Variants in WRNIP1 observed in about 807,000 individuals in gnomAD.
WRNIP1 encodes WRN helicase interacting protein 1, also known as ATPase WRNIP1.
WRNIP1 carries 41 observed loss-of-function variants against 56.1 expected under a neutral mutation model. The ratio of observed to expected loss-of-function variants is 0.73; its 90% CI spans 0.57 to 0.95. WRNIP1 has a LOEUF of 0.95. Ranked by LOEUF, WRNIP1 falls within the 40% of genes least tolerant of loss-of-function variation. The pLI is 0.00. For synonymous variants in WRNIP1, 547 were observed against 398.1 expected (o/e 1.37, Z -4.45); for missense variants, 1,170 against 939.4 (o/e 1.25, Z -3.21).
intron 3 of WRNIP1, chr6:2,773,937 G>A: frequency 1.0e-6 from 1 of 985,264 alleles, no homozygotes; most frequent in Non-Finnish European, 1.2e-6. Context: ...GCGTAACTGG[G>A]TGTGGGGCTT....
Position 2,779,450 on chromosome 6 carries a change from A to G in WRNIP1, c.1444A>G (p.Lys482Glu). 2 of 1,614,208 alleles carry G rather than the reference A, an allele frequency of 1.2e-6. No individual in the cohort carries two copies. Among genetic ancestry groups the G allele is most frequent in the Non-Finnish European group, 1.7e-6 (2 of 1,180,038 alleles). Residue 482 changes from lysine (K) to glutamate (E), a missense_variant, in exon 4 of 7, where the codon AAG becomes GAG. Physicochemically the swap from Lys to Glu is moderately conservative, Grantham distance 56. Coordinates refer to ENST00000380773, the MANE Select transcript of WRNIP1 (RefSeq NM_020135.3). ...SRVLITENDVKEGLQRSHILY... is the reference protein window; with the variant it reads ...SRVLITENDVEEGLQRSHILY... ...AGTTCTGATCACAGAGAATGACGTG[A>G]AGGAGGGCCTACAGCGATCCCACAT...
chr6:2,784,497 T>C, intron 6 of WRNIP1, 94 bp downstream of exon 6: 1 of 1,296,604 alleles, frequency 7.7e-7, no homozygotes, highest in Non-Finnish European at 1.1e-6. Flanking sequence ...CCTTCACCAT[T>C]GGTGTATTGG....
intron 3 of WRNIP1, among the ~76,000 whole-genome samples, chr6:2,778,922 A>G (rs1000054432): frequency 2.0e-5 from 3 of 152,216 alleles, no homozygotes; most frequent in Non-Finnish European, 2.9e-5. Context: ...CATTTCTAAT[A>G]AAGTTTTCAC....
In WRNIP1 at chr6:2,777,594, T is replaced by C. The variant is rs536645170; in HGVS notation, c.1257-1669T>C. Among the ~76,000 whole-genome samples the C allele has an allele frequency of 1.2e-3, 180 of 152,346 alleles. 1 individual carries two copies. The highest frequency in any genetic ancestry group is 4.2e-3 in the African/African-American group (175 of 41,584). On this transcript the variant is annotated intron_variant, in intron 3 of 6. Transcript: ENST00000380773. Reference sequence around the variant, plus strand: ...ACACAGGTTGAGTGCAGTAAGGGGCTGAGAGTGCACCCTTCCCTCTCAGGC... The same window carrying C: ...ACACAGGTTGAGTGCAGTAAGGGGCCGAGAGTGCACCCTTCCCTCTCAGGC...
At chr6:2,773,074 A>G (rs769652169) in intron 3 of WRNIP1, 2 of 985,340 alleles carry the variant, frequency 2.0e-6, no homozygotes, top group African/African-American at 3.5e-5. Flanking sequence ...TTGGAAACTA[A>G]TCAAGCTGCC....
At chr6:2,766,551 C>T in intron 1 of WRNIP1, 107 bp downstream of exon 1, 2 of 1,413,908 alleles carry the variant, frequency 1.4e-6, no homozygotes, top group Non-Finnish European at 1.9e-6. Flanking sequence ...GCCTGCCTCT[C>T]CTGGATAAGG....
chr6:2,765,905 G>T lies in WRNIP1; in HGVS notation c.283G>T (p.Glu95Ter). Residue 95 changes from glutamate to a stop codon, truncating the protein, a stop_gained, in exon 1 of 7, where the codon GAG (glutamate) becomes TAG (stop). Transcript: ENST00000380773. LOFTEE classifies it high-confidence loss of function. Reference protein sequence around the residue: ...TPTAAESSEGEGEEGDDGGET... With the variant: ...TPTAAESSEG ...GACGGCAGCCGAGAGCAGCGAGGGC[G>T]AGGGTGAGGAGGGCGACGACGGCGG... The T allele has an allele frequency of 6.9e-7, 1 of 1,454,240 alleles. No individual in the cohort carries two copies. 90.1% of individuals were successfully genotyped at this position (1,454,240 alleles called of 1,614,324 possible). A position where few individuals can be genotyped will look rare whatever the true frequency, so the allele number is the denominator to read the frequency against.
chr6:2,765,659 T>C lies in WRNIP1; in HGVS notation c.37T>C (p.Ser13Pro), dbSNP rs146408874. ...CGGGCCGGAAGACGACCCCTTCCTT[T>C]CGCAGCTGCACCAGGTGCAGTGCCC... ...VSGPEDDPFL[S>P]QLHQVQCPVC... The change falls in exon 1 of 7, where the codon TCG becomes CCG. Residue 13 changes from serine to proline, a missense_variant. Ser to Pro is a moderately conservative substitution (Grantham distance 74, BLOSUM62 -1). Transcript: ENST00000380773. The C allele has an allele frequency of 3.9e-6, 6 of 1,546,650 alleles. No homozygotes were observed. Among genetic ancestry groups the C allele is most frequent in the Non-Finnish European group, 5.2e-6 (6 of 1,154,944 alleles).
At chr6:2,775,942 C>A (rs915328827) in intron 3 of WRNIP1, among the ~76,000 whole-genome samples, 3 of 152,024 alleles carry the variant, frequency 2.0e-5, no homozygotes, top group African/African-American at 7.2e-5. Flanking sequence ...TAGATTTTAC[C>A]TCTTTTTATT....
intron 1 of WRNIP1, among the ~76,000 whole-genome samples, chr6:2,768,092 C>T (rs956378774): frequency 6.6e-6 from 1 of 152,172 alleles, no homozygotes; most frequent in Non-Finnish European, 1.5e-5. Context: ...ACCTGGGTCT[C>T]CTTGGTTTTC....
At position 2,785,341 on chromosome 6, in the gene WRNIP1, G is replaced by A; in HGVS notation, c.*59G>A. 2 of 1,574,214 alleles carry A rather than the reference G, an allele frequency of 1.3e-6. No individual in the cohort carries two copies. The highest frequency in any genetic ancestry group is 2.2e-5 in the East Asian group (1 of 44,468). On this transcript the variant is annotated 3_prime_UTR_variant, in exon 7 of 7. Coordinates refer to ENST00000380773, the MANE Select transcript of WRNIP1 (RefSeq NM_020135.3). ...TTTTTAAGGGAGGGCCAGAAAGAAA[G>A]TTAGTGGATTGCAAAGTTGGTTGCC...
chr6:2,783,284 C>T (rs1765612598), intron 4 of WRNIP1, 122 bp from the exon 5 acceptor site: 3 of 1,142,148 alleles, frequency 2.6e-6, no homozygotes, highest in Non-Finnish European at 2.4e-6. Context: ...GCCCAAACCT[C>T]TCCTCGGCTT....
At chr6:2,766,828 A>G (rs916004489) in intron 1 of WRNIP1, among the ~76,000 whole-genome samples, 23 of 151,916 alleles carry the variant, frequency 1.5e-4, no homozygotes, top group African/African-American at 5.3e-4. Flanking sequence ...GTAAAGAAAC[A>G]TTTGTATATT....
rs759698310 is a variant in WRNIP1 at position 2,785,253 on chromosome 6, G to T, written c.1969G>T (p.Val657Leu). 1.1e-5 allele frequency: 17 copies of T among 1,614,062 alleles called. No individual in the cohort carries two copies. The highest frequency in any genetic ancestry group is 6.6e-5 in the South Asian group (6 of 91,080). ...GTACCTGCCTGAAGAGTTGAGGGGG[G>T]TAGATTTCTTCAAGCAGAGGAGGTG... ...QEYLPEELRG[V>L]DFFKQRRC Residue 657 changes from valine (V) to leucine (L), a missense_variant, in exon 7 of 7, where the codon GTA becomes TTA. Val to Leu is a conservative substitution (Grantham distance 32). Transcript: ENST00000380773.
At chr6:2,779,044 C>T (rs940192220) in intron 3 of WRNIP1, among the ~76,000 whole-genome samples, 5 of 152,164 alleles carry the variant, frequency 3.3e-5, no homozygotes, top group South Asian at 2.1e-4. Context: ...GAGATACCCT[C>T]GACACTCATA....
chr6:2,766,923 T>A (rs1765034632), intron 1 of WRNIP1, among the ~76,000 whole-genome samples: 1 of 152,240 alleles, frequency 6.6e-6, no homozygotes. Flanking sequence ...TAGTTGTTGG[T>A]TTAACAGACT....
In WRNIP1 at chr6:2,768,695, C is replaced by G. The variant is rs1765140687; in HGVS notation, c.827C>G (p.Thr276Ser). Reference protein sequence around the residue: ...LWGPPGCGKTTLAHIIASNSK... With the variant: ...LWGPPGCGKTSLAHIIASNSK... ...CATGTATGTCATCTTTTCTAGACCA[C>G]TCTGGCTCACATCATAGCCAGCAAC... Residue 276 changes from threonine (T) to serine (S), a missense_variant, in exon 2 of 7, where the codon ACT becomes AGT. Transcript: ENST00000380773. 6.2e-7 allele frequency: 1 copy of G among 1,608,104 alleles called. No individual in the cohort carries two copies. Among genetic ancestry groups the G allele is most frequent in the Non-Finnish European group, 8.5e-7 (1 of 1,176,406 alleles).
At chr6:2,775,331 C>G (rs1765408253) in intron 3 of WRNIP1, among the ~76,000 whole-genome samples, 1 of 152,206 alleles carries the variant, frequency 6.6e-6, no homozygotes. Context: ...TGCCCAGGGT[C>G]TGCCCCTGGA....
In WRNIP1 at chr6:2,786,443, G is replaced by C. The variant is rs1202007625; in HGVS notation, c.*1161G>C. On this transcript the variant is annotated 3_prime_UTR_variant, in exon 7 of 7. Transcript: ENST00000380773. ...TTCTGTCTGGAGTGGTTGCACTGCAGTGTGCAGTTGCCATCCCCAGAATCT... is the reference window on the plus strand; with the variant it reads ...TTCTGTCTGGAGTGGTTGCACTGCACTGTGCAGTTGCCATCCCCAGAATCT... 1 of 152,318 alleles carries C rather than the reference G, an allele frequency of 6.6e-6. No individual in the cohort carries two copies. The highest frequency in any genetic ancestry group is 2.4e-5 in the African/African-American group (1 of 41,442). The allele number at this position is 152,318 out of a possible 1,614,324, so 9.4% of individuals were successfully genotyped here.
Sources: allele counts gnomAD v4.1 joint callset (sites outside exome capture counted in the v4.1 genomes callset), GRCh38; gene constraint gnomAD v4.1.1; transcripts MANE v1.5; gene names NCBI Gene and HGNC (gene_info 2026-07-23, HGNC 2026-07-21).